The following NRXN3 variants were observed in gnomAD, a reference collection of about 807,000 sequenced individuals.
The protein encoded by NRXN3 is neurexin III.
Under a neutral mutation model 137.6 loss-of-function variants are expected in NRXN3, and 32 were observed. The observed-to-expected ratio is 0.23, with a 90% CI of 0.18 to 0.31. NRXN3 has a LOEUF of 0.31. NRXN3 is among the 10% of genes least tolerant of loss of function. NRXN3 has a pLI of 1.00. For synonymous variants in NRXN3, 798 were observed against 784.5 expected (o/e 1.02, Z -0.29); for missense variants, 1,574 against 2,062.5 (o/e 0.76, Z 4.59).
At chr14:78,417,653 T>C (rs921407723) in intron 4 of NRXN3, among the ~76,000 whole-genome samples, 1 of 152,232 alleles carries the variant, frequency 6.6e-6, no homozygotes, top group Non-Finnish European at 1.5e-5. Flanking sequence ...AGTAAATTTA[T>C]GAAAATACCT....
At chr14:79,207,484 TAAC>T (rs1227351100) in intron 15 of NRXN3, among the ~76,000 whole-genome samples, 1 of 152,200 alleles carries the variant, frequency 6.6e-6, no homozygotes, top group Non-Finnish European at 1.5e-5. Context: ...GATTTCATAT[TAAC>T]AACTGGTGCA....
At chr14:79,782,340 T>A (rs1274448837) in intron 19 of NRXN3, among the ~76,000 whole-genome samples, 2 of 152,086 alleles carry the variant, frequency 1.3e-5, no homozygotes, top group Admixed American at 6.6e-5. Flanking sequence ...CCAAGAGAGG[T>A]CAAGGGACCT....
At chr14:78,967,184 G>GTTTTTTTTTTTTTTTTTTTTTTTTTT in intron 12 of NRXN3, 24 bp from the exon 13 acceptor site, 9 of 1,421,226 alleles carry the variant, frequency 6.3e-6, no homozygotes, top group South Asian at 1.3e-5. Context: ...TCCAATTATT[G>GTTTTTTTTTTTTTTTTTTTTTTTTTT]TTTTTTTTTT....
At chr14:78,805,615 CAG>C (rs199641697) in intron 9 of NRXN3, among the ~76,000 whole-genome samples, 1,870 of 145,044 alleles carry the variant, frequency 0.013, 43 homozygotes, top group African/African-American at 0.046. Context: ...AAAAAAAAAA[CAG>C]AACCAAATAC....
At chr14:79,179,283 C>T (rs2062677974) in intron 15 of NRXN3, among the ~76,000 whole-genome samples, 1 of 152,148 alleles carries the variant, frequency 6.6e-6, no homozygotes, top group Non-Finnish European at 1.5e-5. Context: ...CTGGAACTAA[C>T]AATAGAATAC....
chr14:79,177,453 ATAT>A (rs2062460694), intron 15 of NRXN3, among the ~76,000 whole-genome samples: 1 of 152,204 alleles, frequency 6.6e-6, no homozygotes, highest in Admixed American at 6.5e-5. Context: ...AATGCTGGGG[ATAT>A]TTATTTAGTT....
chr14:79,687,137 TA>T (rs1199672790), intron 17 of NRXN3, among the ~76,000 whole-genome samples: 3 of 152,238 alleles, frequency 2.0e-5, no homozygotes, highest in African/African-American at 4.8e-5. Flanking sequence ...TAGTGAGGAT[TA>T]ATGAGATGAT....
chr14:78,726,899 C>G (rs1305802055), intron 8 of NRXN3, among the ~76,000 whole-genome samples: 4 of 145,854 alleles, frequency 2.7e-5, no homozygotes, highest in Non-Finnish European at 6.0e-5. Flanking sequence ...CATCATCCAT[C>G]TTCAGAATCT....
intron 19 of NRXN3, among the ~76,000 whole-genome samples, chr14:79,770,363 C>T (rs2099073178): frequency 6.6e-6 from 1 of 150,460 alleles, no homozygotes; most frequent in Non-Finnish European, 1.5e-5. Context: ...AAATTGACCA[C>T]ATACTTGGAA....
intron 15 of NRXN3, among the ~76,000 whole-genome samples, chr14:79,454,089 TTG>T (rs75023742): frequency 3.5e-3 from 527 of 151,970 alleles, no homozygotes; most frequent in South Asian, 8.2e-3. Context: ...ATATGGAACT[TTG>T]TTTTTTTTTT....
chr14:78,262,998 C>G (rs181360150), intron 2 of NRXN3, among the ~76,000 whole-genome samples: 2 of 152,200 alleles, frequency 1.3e-5, no homozygotes, highest in Admixed American at 1.3e-4. Flanking sequence ...GTTTTTCCAT[C>G]CTGCATGAAA....
intron 14 of NRXN3, among the ~76,000 whole-genome samples, chr14:78,977,320 T>C (rs560627183): frequency 6.6e-6 from 1 of 152,330 alleles, no homozygotes; most frequent in Non-Finnish European, 1.5e-5. Flanking sequence ...AAGTTCTAGA[T>C]AATATTTGCA....
At chr14:79,495,528 A>G (rs1281284415) in intron 16 of NRXN3, among the ~76,000 whole-genome samples, 1 of 152,180 alleles carries the variant, frequency 6.6e-6, no homozygotes, top group Non-Finnish European at 1.5e-5. Flanking sequence ...CTGTTAAAGT[A>G]TGTAAATTCA....
intron 15 of NRXN3, among the ~76,000 whole-genome samples, chr14:79,164,501 T>C (rs1191659010): frequency 6.6e-6 from 1 of 152,032 alleles, no homozygotes; most frequent in African/African-American, 2.4e-5. Context: ...CTATGGCCAT[T>C]GCAGAATTAT....
At chr14:78,630,598 T>TTTC (rs1491312200) in intron 4 of NRXN3, among the ~76,000 whole-genome samples, 9 of 49,368 alleles carry the variant, frequency 1.8e-4, no homozygotes, top group South Asian at 6.3e-4. Context: ...TCTTTCTTTC[T>TTTC]TTTTTTTTTT....
intron 19 of NRXN3, among the ~76,000 whole-genome samples, chr14:79,728,229 C>T (rs577480419): frequency 9.9e-5 from 15 of 152,270 alleles, no homozygotes; most frequent in African/African-American, 1.7e-4. Flanking sequence ...GATCTTTGTA[C>T]GTTTAAAATT....
At chr14:78,789,110 A>C (rs2153046702) in intron 8 of NRXN3, among the ~76,000 whole-genome samples, 1 of 152,336 alleles carries the variant, frequency 6.6e-6, no homozygotes, top group African/African-American at 2.4e-5. Context: ...AGTATCTGGA[A>C]GAAAATTGAA....
At chr14:78,323,894 T>C (rs1051341409) in intron 4 of NRXN3, among the ~76,000 whole-genome samples, 1 of 152,044 alleles carries the variant, frequency 6.6e-6, no homozygotes, top group Non-Finnish European at 1.5e-5. Context: ...GATCTGTACT[T>C]ACCAGCCATG....
chr14:78,429,495 G>A (rs2093793029), intron 4 of NRXN3, among the ~76,000 whole-genome samples: 1 of 152,186 alleles, frequency 6.6e-6, no homozygotes. Flanking sequence ...TCAATGTGAT[G>A]AATCCGCATC....
Sources: gnomAD v4.1 joint callset for allele counts (sites outside exome capture counted in the v4.1 genomes callset) on GRCh38, gnomAD v4.1.1 for gene constraint, MANE v1.5 for transcripts, NCBI Gene and HGNC (gene_info 2026-07-23, HGNC 2026-07-21) for gene names.